The following SEC22C variants were observed in gnomAD, a reference collection of about 807,000 sequenced individuals.
SEC22C encodes the protein vesicle-trafficking protein SEC22c.
A neutral mutation model predicts 34.7 loss-of-function variants in SEC22C; 29 were observed. That is an observed-to-expected ratio of 0.84 (90% confidence interval 0.62 to 1.14). The LOEUF (loss-of-function observed/expected upper bound fraction) is 1.14, where lower values mean the gene tolerates loss of function less well. SEC22C is among the 50% of genes most tolerant of loss of function. The pLI is 0.00. For synonymous variants in SEC22C, 117 were observed against 132.8 expected, an observed-to-expected ratio of 0.88 and a Z score of 0.82; for missense variants, 337 against 369.0, an observed-to-expected ratio of 0.91 and a Z score of 0.71.
chr3:42,561,043 G>GA (rs537051176), intron 4 of SEC22C, 74 bp downstream of exon 4: 7,202 of 1,353,408 alleles, frequency 5.3e-3, no homozygotes, highest in South Asian at 7.5e-3. Flanking sequence ...GCTTTCTAGT[G>GA]AAAAAAAAAA....
In SEC22C at chr3:42,549,900, T is replaced by A. The variant is rs1412979937; in HGVS notation, c.*3348A>T. 7 of 985,312 alleles carry A rather than the reference T, an allele frequency of 7.1e-6. No homozygotes were observed. The highest frequency in any genetic ancestry group is 1.7e-5 in the African/African-American group (1 of 57,232). The allele number at this position is 985,312 out of a possible 1,614,324, so 61.0% of individuals were successfully genotyped here. A position where few individuals can be genotyped will look rare whatever the true frequency, so the allele number is the denominator to read the frequency against. On this transcript the variant is annotated 3_prime_UTR_variant, in exon 7 of 7. Transcript: ENST00000264454. ...AAGCCCAAAAAGCAAAAGCAGGAGC[T>A]TATGGTCACATGCCTCCAGCTGCAG...
At chr3:42,585,360 G>A (rs1704576692), upstream of SEC22C, among the ~76,000 whole-genome samples, 1 of 152,166 alleles carries the variant, frequency 6.6e-6, no homozygotes, top group African/African-American at 2.4e-5. Flanking sequence ...GTCAACTCCA[G>A]AGTCTTTCTC....
At chr3:42,560,486 C>CTGTA (rs1204354630) in intron 4 of SEC22C, among the ~76,000 whole-genome samples, 1 of 148,676 alleles carries the variant, frequency 6.7e-6, no homozygotes, top group Non-Finnish European at 1.5e-5. Flanking sequence ...CCAGCCTGGG[C>CTGTA]TGTAACATGG....
At chr3:42,573,198 A>T (rs1703750682) in intron 1 of SEC22C, among the ~76,000 whole-genome samples, 1 of 152,174 alleles carries the variant, frequency 6.6e-6, no homozygotes, top group African/African-American at 2.4e-5. Context: ...GAAACAGAAG[A>T]TATAAAAACT....
chr3:42,585,812 A>G (rs1252220411), upstream of SEC22C, among the ~76,000 whole-genome samples: 1 of 152,102 alleles, frequency 6.6e-6, no homozygotes, highest in Non-Finnish European at 1.5e-5. Flanking sequence ...TGCTACATAC[A>G]TTGTCAACTT....
chr3:42,591,566 G>C (rs775673850), intron 1 of SEC22C: 9 of 1,614,082 alleles, frequency 5.6e-6, no homozygotes, highest in Non-Finnish European at 6.8e-6. Context: ...GTATTGTGGA[G>C]TATCAGAACA....
chr3:42,583,443 G>A (rs982166520), upstream of SEC22C, among the ~76,000 whole-genome samples: 2 of 152,190 alleles, frequency 1.3e-5, no homozygotes, highest in African/African-American at 4.8e-5. Flanking sequence ...ATGGATGGAT[G>A]GTGCAGGGAT....
At chr3:42,587,577 A>AT (rs1168187861) in intron 1 of SEC22C, 1 of 151,876 alleles carries the variant, frequency 6.6e-6, no homozygotes, top group Non-Finnish European at 1.5e-5. Context: ...AAAAAAAAAA[A>AT]TACAAAAAAT....
At chr3:42,600,937 C>G (rs1705346141) in intron 1 of SEC22C, 2 of 1,255,082 alleles carry the variant, frequency 1.6e-6, no homozygotes, top group East Asian at 3.1e-5. Flanking sequence ...TGCCCTCGCC[C>G]CCGCCCTCGC....
chr3:42,554,190 A>T (rs1702390575), intron 6 of SEC22C, among the ~76,000 whole-genome samples: 1 of 152,126 alleles, frequency 6.6e-6, no homozygotes, highest in South Asian at 2.1e-4. Context: ...CCAGGAACAC[A>T]GTTGAAGGAA....
intron 4 of SEC22C, among the ~76,000 whole-genome samples, chr3:42,560,180 A>AAT (rs1226758345): frequency 4.8e-5 from 7 of 145,104 alleles, no homozygotes; most frequent in South Asian, 2.1e-4. Flanking sequence ...TTTTATATAT[A>AAT]ATATATATAT....
chr3:42,598,396 C>T (rs1479446131), intron 1 of SEC22C, among the ~76,000 whole-genome samples: 1 of 150,846 alleles, frequency 6.6e-6, no homozygotes, highest in African/African-American at 2.4e-5. Flanking sequence ...GGCGCAATCT[C>T]GGCTCACTGC....
intron 1 of SEC22C, among the ~76,000 whole-genome samples, chr3:42,571,596 T>C (rs1417539010): frequency 6.6e-6 from 1 of 152,180 alleles, no homozygotes; most frequent in Non-Finnish European, 1.5e-5. Context: ...CTTTGTATTC[T>C]AAAAGATGGA....
intron 1 of SEC22C, 52 bp from the exon 2 acceptor site, chr3:42,569,125 A>T (rs1490558403): frequency 1.4e-5 from 17 of 1,203,938 alleles, no homozygotes; most frequent in Non-Finnish European, 1.8e-5. Context: ...CAGTGCCAGA[A>T]ATACCCCCAC....
intron 1 of SEC22C, chr3:42,581,508 G>C (rs1370723999): frequency 6.6e-6 from 1 of 152,282 alleles, no homozygotes; most frequent in African/African-American, 2.4e-5. Context: ...GCTCTGACGT[G>C]AGCTTCGTGA....
intron 6 of SEC22C, among the ~76,000 whole-genome samples, 197 bp downstream of exon 6, chr3:42,555,733 A>G (rs2125696673): frequency 6.6e-6 from 1 of 152,348 alleles, no homozygotes; most frequent in South Asian, 2.1e-4. Context: ...TTATGAGCAC[A>G]AAGTTCTTCC....
Position 42,553,173 on chromosome 3 carries a change from G to C in SEC22C, c.*75C>G. ...AAAAGGATGGAAACTGGAGTGTAAAGTAGAGAAGCAGAAAGAGAAACATAG... is the reference window on the plus strand; with the variant it reads ...AAAAGGATGGAAACTGGAGTGTAAACTAGAGAAGCAGAAAGAGAAACATAG... On this transcript the variant is annotated 3_prime_UTR_variant, in exon 7 of 7. Coordinates refer to ENST00000264454, the MANE Select transcript of SEC22C (RefSeq NM_032970.4). 1.9e-6 allele frequency: 3 copies of C among 1,574,124 alleles called. No homozygotes were observed. The highest frequency in any genetic ancestry group is 2.6e-6 in the Non-Finnish European group (3 of 1,165,096).
At chr3:42,576,365 T>C (rs138201324) in intron 1 of SEC22C, among the ~76,000 whole-genome samples, 12 of 151,918 alleles carry the variant, frequency 7.9e-5, no homozygotes, top group African/African-American at 2.7e-4. Context: ...ATCAATGAAA[T>C]GGAAAATTTT....
chr3:42,594,872 C>G lies in SEC22C; in HGVS notation c.-28+6088G>C, dbSNP rs114819777. 8.4e-4 allele frequency: 139 copies of G among 165,670 alleles called. 1 individual carries two copies. The highest frequency in any genetic ancestry group is 3.2e-3 in the African/African-American group (134 of 42,000). The allele number at this position is 165,670 out of a possible 1,614,324, so 10.3% of individuals were successfully genotyped here. ...GTGTTGGGCAGGAATTGGTGAGATT[C>G]CTGACTTGATACCTTGCTAAATGGA... On this transcript the variant is annotated intron_variant, in intron 1 of 6. Coordinates refer to the SEC22C transcript ENST00000417572.
Sources: gnomAD v4.1 joint callset for allele counts (sites outside exome capture counted in the v4.1 genomes callset) on GRCh38, gnomAD v4.1.1 for gene constraint, MANE v1.5 for transcripts, NCBI Gene and HGNC (gene_info 2026-07-23, HGNC 2026-07-21) for gene names.